Variants in NHEJ1 observed in about 807,000 individuals in gnomAD.
NHEJ1 encodes the protein non-homologous end-joining factor 1.
Under a neutral mutation model 39.4 loss-of-function variants are expected in NHEJ1, and 22 were observed. The observed-to-expected ratio is 0.56, with a 90% CI of 0.40 to 0.80. NHEJ1 has a LOEUF of 0.80. Ranked by LOEUF, NHEJ1 falls within the 30% of genes least tolerant of loss-of-function variation. NHEJ1 has a pLI of 0.00. For synonymous variants in NHEJ1, 154 were observed against 135.6 expected (o/e 1.14, Z -0.94); for missense variants, 329 against 357.1 (o/e 0.92, Z 0.63).
intron 1 of NHEJ1, chr2:219,159,407 G>A (rs1248112373): frequency 1.3e-5 from 2 of 151,404 alleles, no homozygotes; most frequent in East Asian, 1.9e-4. Context: ...GAAGTACCAG[G>A]AAGGAAAAAT....
At position 219,076,329 on chromosome 2, in the gene NHEJ1, A is replaced by C; in HGVS notation, c.*52T>G. On this transcript the variant is annotated 3_prime_UTR_variant, in exon 8 of 8. Coordinates refer to ENST00000356853, the MANE Select transcript of NHEJ1 (RefSeq NM_024782.3). The stretch of plus-strand genomic sequence containing the variant: ...GCCATGTAAGCTTCTTTCAAGGTGA[A>C]GCTTGGAAGCTGTTCTCCAAGTCCA... 6.2e-7 allele frequency: 1 copy of C among 1,614,084 alleles called. No homozygotes were observed. The highest frequency in any genetic ancestry group is 1.1e-5 in the South Asian group (1 of 91,072).
At chr2:219,159,552 C>CATATATATATATATATGCAT (rs373057307) in intron 1 of NHEJ1, among the ~76,000 whole-genome samples, 1 of 66,386 alleles carries the variant, frequency 1.5e-5, no homozygotes. Context: ...TATATATATG[C>CATATATATATATATATGCAT]ATATATATAT....
intron 5 of NHEJ1, among the ~76,000 whole-genome samples, chr2:219,120,415 C>T (rs1179208395): frequency 6.6e-6 from 1 of 152,072 alleles, no homozygotes; most frequent in East Asian, 1.9e-4. Context: ...AAAATATAAA[C>T]AGGCTTTGGA....
chr2:219,115,099 G>T (rs985159741), intron 5 of NHEJ1, among the ~76,000 whole-genome samples: 12 of 151,854 alleles, frequency 7.9e-5, no homozygotes, highest in Admixed American at 6.6e-4. Flanking sequence ...GTTTGTGAGT[G>T]GGGCTCCAAC....
intron 5 of NHEJ1, among the ~76,000 whole-genome samples, chr2:219,145,943 A>T (rs918952158): frequency 1.5e-5 from 2 of 135,824 alleles, no homozygotes; most frequent in African/African-American, 3.1e-5. Context: ...AAAAAAAAAT[A>T]AAAAAAAAAA....
chr2:219,118,333 G>A (rs183099742), intron 5 of NHEJ1, among the ~76,000 whole-genome samples: 1 of 152,304 alleles, frequency 6.6e-6, no homozygotes, highest in Admixed American at 6.5e-5. Context: ...AGCCAGAAGT[G>A]AGGGTTCATA....
At chr2:219,100,479 T>C (rs1425196617) in intron 5 of NHEJ1, among the ~76,000 whole-genome samples, 1 of 150,524 alleles carries the variant, frequency 6.6e-6, no homozygotes, top group African/African-American at 2.4e-5. Context: ...GGGATGGTAG[T>C]GCACACCTGT....
intron 5 of NHEJ1, among the ~76,000 whole-genome samples, chr2:219,120,722 C>T (rs1226629013): frequency 6.6e-6 from 1 of 152,148 alleles, no homozygotes; most frequent in African/African-American, 2.4e-5. Context: ...ATATGTGGGG[C>T]TCCATCAAGT....
rs532917267 is a variant in NHEJ1, at chr2:219,138,081, TA to T, written c.588+8598del. On this transcript the variant is annotated intron_variant, in intron 5 of 7. Transcript: ENST00000356853. ...TTTTTTACGATGCCCACATGGACAC[TA>T]AAAAAAAACCACCCTGAATCCTATG... is the stretch of plus-strand genomic sequence containing the variant. 8.5e-5 allele frequency among the ~76,000 whole-genome samples: 13 copies of T among 152,070 alleles called. No individual in the cohort carries two copies. The South Asian group carries it at 2.3e-3, about 27-fold the overall frequency.
chr2:219,073,684 T>G lies in NHEJ1; in HGVS notation c.*2697A>C, dbSNP rs1948985553. Among the ~76,000 whole-genome samples the G allele has an allele frequency of 6.6e-6, 1 of 152,220 alleles. No individual in the cohort carries two copies. The highest frequency in any genetic ancestry group is 2.1e-4 in the South Asian group (1 of 4,834). On this transcript the variant is annotated 3_prime_UTR_variant, in exon 8 of 8. Coordinates refer to ENST00000356853, the MANE Select transcript of NHEJ1 (RefSeq NM_024782.3). Reference sequence around the variant, plus strand: ...CTTGCTCGTGTAAACCACCTTATATTATTTTTTTTTCTAAAAATACTCCAA... The same window carrying G: ...CTTGCTCGTGTAAACCACCTTATATGATTTTTTTTTCTAAAAATACTCCAA...
chr2:219,144,825 T>C (rs771347976), intron 5 of NHEJ1, among the ~76,000 whole-genome samples: 8 of 152,186 alleles, frequency 5.3e-5, no homozygotes, highest in Non-Finnish European at 1.2e-4. Flanking sequence ...CCTAAACTTA[T>C]AGACAGGGGA....
chr2:219,102,778 C>T (rs1451977650), intron 5 of NHEJ1: 1 of 151,032 alleles, frequency 6.6e-6, no homozygotes, highest in Non-Finnish European at 1.5e-5. Flanking sequence ...CCAACACAGG[C>T]AGATCACTTG....
intron 5 of NHEJ1, among the ~76,000 whole-genome samples, chr2:219,114,018 G>A (rs1160140192): frequency 1.3e-5 from 2 of 152,198 alleles, no homozygotes; most frequent in Non-Finnish European, 2.9e-5. Context: ...GGCTAGGAAA[G>A]TGGGGCAGGG....
chr2:219,091,652 A>G (rs1949160610), intron 5 of NHEJ1, among the ~76,000 whole-genome samples: 1 of 152,192 alleles, frequency 6.6e-6, no homozygotes, highest in East Asian at 1.9e-4. Flanking sequence ...CCTGAGGTCT[A>G]GCAATGTTGA....
intron 5 of NHEJ1, among the ~76,000 whole-genome samples, chr2:219,129,869 T>G (rs1377040832): frequency 3.3e-5 from 5 of 152,146 alleles, no homozygotes; most frequent in Non-Finnish European, 5.9e-5. Flanking sequence ...AGGTCACAAT[T>G]TTTTTTATAG....
intron 5 of NHEJ1, among the ~76,000 whole-genome samples, chr2:219,137,630 A>G (rs1355300578): frequency 6.6e-6 from 1 of 151,712 alleles, no homozygotes; most frequent in African/African-American, 2.4e-5. Context: ...ATAAAACACT[A>G]ATCTGCCAGC....
intron 5 of NHEJ1, among the ~76,000 whole-genome samples, chr2:219,115,153 AAAG>A (rs138331690): frequency 0.36 from 53,085 of 148,202 alleles, 11,332 homozygotes; most frequent in African/African-American, 0.58. Context: ...CGTATTTTAA[AAAG>A]AAGAAGAAGA....
chr2:219,146,543 T>C, intron 5 of NHEJ1, 137 bp downstream of exon 5: 1 of 783,710 alleles, frequency 1.3e-6, no homozygotes, highest in Non-Finnish European at 2.3e-6. Flanking sequence ...CTTATCAGAC[T>C]TTCTATGGGC....
chr2:219,071,358 G>C lies in NHEJ1; in HGVS notation c.*5023C>G, dbSNP rs1389796006. Among the ~76,000 whole-genome samples the C allele has an allele frequency of 2.6e-5, 4 of 152,172 alleles. No individual in the cohort carries two copies. The highest frequency in any genetic ancestry group is 5.9e-5 in the Non-Finnish European group (4 of 68,034). ...CTCTGGCCCGGGAGAGGGGGGTAGG[G>C]GTTAGGCAAACAGGCCAGGGAGGCC... On this transcript the variant is annotated 3_prime_UTR_variant, in exon 8 of 8. Coordinates refer to ENST00000356853, the MANE Select transcript of NHEJ1 (RefSeq NM_024782.3).
Sources: allele counts gnomAD v4.1 joint callset (sites outside exome capture counted in the v4.1 genomes callset), GRCh38; gene constraint gnomAD v4.1.1; transcripts MANE v1.5; gene names NCBI Gene and HGNC (gene_info 2026-07-23, HGNC 2026-07-21).